The following SRBD1 variants were observed in gnomAD, a reference collection of about 807,000 sequenced individuals.
The protein encoded by SRBD1 is S1 RNA-binding domain-containing protein 1.
Under a neutral mutation model 115.3 loss-of-function variants are expected in SRBD1, and 88 were observed. The observed-to-expected ratio is 0.76, with a 90% confidence interval of 0.64 to 0.91. The LOEUF is 0.91. Ranked by LOEUF, SRBD1 falls within the 40% of genes least tolerant of loss-of-function variation. The probability of loss-of-function intolerance (pLI) is 0.00; values close to 1 mark genes in which losing one functional copy is unlikely to be tolerated. For synonymous variants in SRBD1, 509 were observed against 407.7 expected (o/e 1.25, Z -2.99); for missense variants, 1,385 against 1,177.4 (o/e 1.18, Z -2.58).
intron 19 of SRBD1, among the ~76,000 whole-genome samples, chr2:45,409,543 GA>G (rs1558559101): frequency 7.7e-5 from 11 of 143,718 alleles, no homozygotes; most frequent in African/African-American, 2.6e-4. Context: ...ATAAAGAAAA[GA>G]AAAAAAAGAA....
intron 14 of SRBD1, among the ~76,000 whole-genome samples, chr2:45,492,292 C>A (rs1670320358): frequency 6.6e-6 from 1 of 152,244 alleles, no homozygotes; most frequent in Non-Finnish European, 1.5e-5. Flanking sequence ...TGTTGATGAA[C>A]CGTTTAAAAC....
chr2:45,410,371 G>A lies in SRBD1; in HGVS notation c.2513+2743C>T, dbSNP rs117079785. On this transcript the variant is annotated intron_variant, in intron 19 of 20. Transcript: ENST00000263736. ...ACCTCATGACTTATCAATTCCTCTCGTATGTATTTTTCTAAGATAAATGAA... is the reference window on the plus strand; with the variant it reads ...ACCTCATGACTTATCAATTCCTCTCATATGTATTTTTCTAAGATAAATGAA... 1.6e-3 allele frequency among the ~76,000 whole-genome samples: 242 copies of A among 152,126 alleles called. 4 individuals carry two copies. In the East Asian group the frequency reaches 0.026, roughly 16 times the overall value.
intron 16 of SRBD1, among the ~76,000 whole-genome samples, chr2:45,424,001 A>G (rs1032447537): frequency 2.0e-5 from 3 of 152,176 alleles, no homozygotes; most frequent in Admixed American, 2.0e-4. Flanking sequence ...AAACTTTATT[A>G]CCCTTCCTTC....
intron 16 of SRBD1, among the ~76,000 whole-genome samples, chr2:45,439,411 G>A (rs1404759350): frequency 7.0e-6 from 1 of 143,536 alleles, no homozygotes; most frequent in Non-Finnish European, 1.5e-5. Context: ...ATATATATAT[G>A]CATATATATA....
intron 16 of SRBD1, 150 bp from the exon 17 acceptor site, chr2:45,420,044 A>G (rs2103634898): frequency 1.5e-6 from 1 of 681,918 alleles, no homozygotes; most frequent in South Asian, 1.8e-5. Flanking sequence ...GAATTAAGCT[A>G]AAGTCAAGGC....
intron 2 of SRBD1, among the ~76,000 whole-genome samples, chr2:45,602,304 C>G (rs1437080010): frequency 1.3e-5 from 2 of 152,188 alleles, no homozygotes; most frequent in African/African-American, 4.8e-5. Context: ...AATCACAGCT[C>G]TGTCTCTCCA....
At chr2:45,576,630 A>C (rs943412672) in intron 7 of SRBD1, among the ~76,000 whole-genome samples, 1 of 152,220 alleles carries the variant, frequency 6.6e-6, no homozygotes, top group Non-Finnish European at 1.5e-5. Flanking sequence ...TGGACTTAAA[A>C]CAGCTATAAC....
chr2:45,545,519 T>C (rs752893964), intron 14 of SRBD1, among the ~76,000 whole-genome samples: 1 of 152,096 alleles, frequency 6.6e-6, no homozygotes, highest in Non-Finnish European at 1.5e-5. Flanking sequence ...GAAATTAATG[T>C]GAACAAGTTA....
chr2:45,543,984 A>C (rs11896801), intron 14 of SRBD1, among the ~76,000 whole-genome samples: 6 of 152,084 alleles, frequency 3.9e-5, no homozygotes, highest in African/African-American at 1.5e-4. Flanking sequence ...TTCTGAAAGA[A>C]AATGCCTAAT....
intron 19 of SRBD1, among the ~76,000 whole-genome samples, chr2:45,399,742 G>C (rs939585839): frequency 1.3e-5 from 2 of 152,032 alleles, no homozygotes; most frequent in Admixed American, 6.6e-5. Context: ...AAAAGCTTTG[G>C]CTCTTTTTGA....
At chr2:45,414,110 T>C (rs1044095084) in intron 18 of SRBD1, among the ~76,000 whole-genome samples, 1 of 152,128 alleles carries the variant, frequency 6.6e-6, no homozygotes, top group African/African-American at 2.4e-5. Context: ...ACATCAGATG[T>C]CAGAACATAG....
chr2:45,413,085 G>T, intron 19 of SRBD1, 29 bp downstream of exon 19: 1 of 1,596,294 alleles, frequency 6.3e-7, no homozygotes, highest in Non-Finnish European at 8.5e-7. Context: ...TCTGCATATG[G>T]AGAATTCCCA....
intron 12 of SRBD1, chr2:45,548,937 T>C (rs112574458): frequency 1.3e-5 from 2 of 152,020 alleles, no homozygotes; most frequent in East Asian, 3.9e-4. Context: ...AAAGAAACAG[T>C]GGAATATATG....
intron 19 of SRBD1, among the ~76,000 whole-genome samples, chr2:45,397,362 C>A (rs1667175804): frequency 6.6e-6 from 1 of 152,054 alleles, no homozygotes; most frequent in African/African-American, 2.4e-5. Flanking sequence ...AAATTTATTA[C>A]TATTTTCAAA....
chr2:45,466,105 C>T (rs6544821), intron 16 of SRBD1, among the ~76,000 whole-genome samples: 25,680 of 152,004 alleles, frequency 0.17, 2,841 homozygotes, highest in African/African-American at 0.3. Context: ...AGAAGAGGAA[C>T]ACAGTAAGCA....
rs576857178 is a variant in SRBD1, at chr2:45,411,830, G to C, written c.2513+1284C>G. 2.6e-5 allele frequency among the ~76,000 whole-genome samples: 4 copies of C among 152,276 alleles called. No homozygotes were observed. The South Asian group carries it at 8.3e-4, about 32-fold the overall frequency. ...GGAATGCATCAAAAACATAAGATGGGCCAGGTGCAGTGGCTCACGCCTGTA... is the reference window on the plus strand; with the variant it reads ...GGAATGCATCAAAAACATAAGATGGCCCAGGTGCAGTGGCTCACGCCTGTA... On this transcript the variant is annotated intron_variant, in intron 19 of 20. Coordinates refer to ENST00000263736, the MANE Select transcript of SRBD1 (RefSeq NM_018079.5).
At chr2:45,471,426 T>A (rs1228298033) in intron 16 of SRBD1, among the ~76,000 whole-genome samples, 1 of 152,216 alleles carries the variant, frequency 6.6e-6, no homozygotes, top group South Asian at 2.1e-4. Context: ...ACTCATACTA[T>A]AATTTTAAAA....
chr2:45,551,418 CA>C (rs1672295984), intron 11 of SRBD1, 136 bp from the exon 12 acceptor site: 1 of 886,442 alleles, frequency 1.1e-6, no homozygotes, highest in Middle Eastern at 3.6e-4. Flanking sequence ...GAAAAATATA[CA>C]AAAATTATAT....
intron 9 of SRBD1, among the ~76,000 whole-genome samples, chr2:45,572,567 T>C (rs1673052082): frequency 6.6e-6 from 1 of 152,060 alleles, no homozygotes; most frequent in Admixed American, 6.6e-5. Context: ...CAGGAAGTGC[T>C]TCAGACTGGA....
Sources: gnomAD v4.1 joint callset for allele counts (sites outside exome capture counted in the v4.1 genomes callset) on GRCh38, gnomAD v4.1.1 for gene constraint, MANE v1.5 for transcripts, NCBI Gene and HGNC (gene_info 2026-07-23, HGNC 2026-07-21) for gene names.